HIVEP1: variants seen among roughly 807,000 people sequenced by gnomAD.
HIVEP1 encodes HIVEP zinc finger 1, also known as zinc finger protein 40.
Under a neutral mutation model 180.0 loss-of-function variants are expected in HIVEP1, and 36 were observed. That is an observed-to-expected ratio of 0.20 (90% CI 0.15 to 0.26). HIVEP1 has a LOEUF of 0.26. Among genes scored for constraint, HIVEP1 ranks in the 10% least tolerant of loss-of-function variants. The pLI, the probability that HIVEP1 is intolerant of heterozygous loss-of-function variation, is 1.00. For missense variants in HIVEP1, 3,143 were observed against 3,268.7 expected (o/e 0.96, Z 0.94); for synonymous variants, 1,239 against 1,239.0 (o/e 1.00, Z 0.00).
chr6:12,078,629 A>G (rs1160927164), intron 2 of HIVEP1, among the ~76,000 whole-genome samples: 5 of 101,918 alleles, frequency 4.9e-5, no homozygotes, highest in Non-Finnish European at 9.5e-5. Flanking sequence ...ATACATACAT[A>G]TATATACACA....
intron 7 of HIVEP1, among the ~76,000 whole-genome samples, chr6:12,148,642 A>G (rs186592152): frequency 3.9e-5 from 6 of 152,286 alleles, no homozygotes; most frequent in Admixed American, 3.9e-4. Context: ...ACTGCTAGAA[A>G]CCACACCGGG....
downstream of HIVEP1, among the ~76,000 whole-genome samples, chr6:12,167,571 G>A (rs1366402679): frequency 1.8e-3 from 2 of 1,112 alleles, no homozygotes; most frequent in Admixed American, 0.01. Flanking sequence ...TTACATGCAT[G>A]TTATATATAC....
Position 12,063,345 on chromosome 6 carries a change from C to T in HIVEP1, c.41-25839C>T, listed in dbSNP as rs935199153. ...CTAGATGCCAATTGCAGTCTTCCTC[C>T]CTCAGTTGTAAACCAAGATGTCTCC... On this transcript the variant is annotated intron_variant, in intron 2 of 8. Coordinates refer to ENST00000379388, the MANE Select transcript of HIVEP1 (RefSeq NM_002114.4). The surrounding 1 kb of genome is among the most constrained non-coding windows in gnomAD (Gnocchi z 4.2). Among the ~76,000 whole-genome samples the T allele has an allele frequency of 5.3e-5, 8 of 152,118 alleles. No homozygotes were observed. The highest frequency in any genetic ancestry group is 3.3e-4 in the Admixed American group (5 of 15,276).
rs765968431 is a variant in HIVEP1, at chr6:12,123,877, G to T, written c.4082G>T (p.Arg1361Leu). ...LNTLNVPGCHREMRRTASEQI... is the reference protein window; with the variant it reads ...LNTLNVPGCHLEMRRTASEQI... Reference sequence around the variant, plus strand: ...ACTCTGAATGTTCCTGGATGTCACCGGGAAATGAGGCGTACTGCATCAGAA... The same window carrying T: ...ACTCTGAATGTTCCTGGATGTCACCTGGAAATGAGGCGTACTGCATCAGAA... The change falls in exon 4 of 9, where the codon CGG (arginine) becomes CTG (leucine). Residue 1361 changes from arginine (R) to leucine (L), a missense_variant. This residue lies in a region of HIVEP1 where 1,357 missense variants were observed against 1,260.5 expected (regional missense o/e 1.08). Transcript: ENST00000379388. 6.2e-7 allele frequency: 1 copy of T among 1,613,982 alleles called. No homozygotes were observed. Among genetic ancestry groups the T allele is most frequent in the Admixed American group, 1.7e-5 (1 of 60,024 alleles).
chr6:12,130,490 A>G (rs946042956), intron 5 of HIVEP1, among the ~76,000 whole-genome samples: 28 of 152,270 alleles, frequency 1.8e-4, no homozygotes, highest in African/African-American at 4.3e-4. Flanking sequence ...TTGAGCTACA[A>G]TCACACCACT....
At chr6:12,116,478 A>G (rs866509655) in intron 3 of HIVEP1, among the ~76,000 whole-genome samples, 3 of 151,932 alleles carry the variant, frequency 2.0e-5, no homozygotes, top group Middle Eastern at 3.4e-3. Flanking sequence ...TTCTTCTCAC[A>G]TATGCCTGCC....
rs372005798 is a variant in HIVEP1 at position 12,163,971 on chromosome 6, C to G, written c.7667C>G (p.Pro2556Arg). The change falls in exon 9 of 9, where the codon CCC becomes CGC. Residue 2556 changes from proline to arginine, a missense_variant. Pro to Arg is a moderately radical substitution (Grantham distance 103). Around this residue, in one of 12 missense-constraint regions of HIVEP1, gnomAD observed 595 missense variants for 602.2 expected, o/e 0.99. Transcript: ENST00000379388. ...ILNIALPTLI[P>R]SVSQVAVDAQ... The stretch of plus-strand genomic sequence containing the variant: ...AACATAGCATTGCCCACCTTAATCC[C>G]CTCAGTCAGTCAAGTAGCCGTTGAT... 21 of 1,614,096 alleles carry G rather than the reference C, an allele frequency of 1.3e-5. No homozygotes were observed. The highest frequency in any genetic ancestry group is 8.3e-5 in the Admixed American group (5 of 60,010).
At chr6:12,163,038 A>G (rs1356583983) in intron 8 of HIVEP1, among the ~76,000 whole-genome samples, 1 of 152,240 alleles carries the variant, frequency 6.6e-6, no homozygotes, top group African/African-American at 2.4e-5. Context: ...TCAGACATGC[A>G]AAAGACTATA....
At chr6:12,056,137 A>G (rs1172392598) in intron 2 of HIVEP1, among the ~76,000 whole-genome samples, 1 of 152,110 alleles carries the variant, frequency 6.6e-6, no homozygotes. Flanking sequence ...AAGATTAATG[A>G]AGAAGCGGAA....
chr6:12,096,124 G>A lies in HIVEP1; in HGVS notation c.94+6887G>A, dbSNP rs1014877748. ...CATTACCAGTAATTTCTTTTCAGCA[G>A]TAGTGGTATCACTCTTACATTATAT... On this transcript the variant is annotated intron_variant, in intron 3 of 8. Coordinates refer to ENST00000379388, the MANE Select transcript of HIVEP1 (RefSeq NM_002114.4). Among the ~76,000 whole-genome samples the A allele has an allele frequency of 3.3e-5, 5 of 151,958 alleles. No homozygotes were observed. The South Asian group carries it at 8.3e-4, about 25-fold the overall frequency.
intron 6 of HIVEP1, among the ~76,000 whole-genome samples, chr6:12,132,827 T>C (rs1758498241): frequency 6.6e-6 from 1 of 152,196 alleles, no homozygotes; most frequent in Non-Finnish European, 1.5e-5. Flanking sequence ...GGATTTCCCT[T>C]TTCTTGGCAT....
intron 3 of HIVEP1, among the ~76,000 whole-genome samples, chr6:12,090,064 CCATAGAAAA>C (rs1395202314): frequency 2.6e-5 from 4 of 151,720 alleles, no homozygotes; most frequent in African/African-American, 9.7e-5. Context: ...TTGGTTTTCA[CCATAGAAAA>C]CATAGATTAT....
chr6:12,085,587 A>G (rs1581654109), intron 2 of HIVEP1, among the ~76,000 whole-genome samples: 1 of 152,240 alleles, frequency 6.6e-6, no homozygotes. Context: ...TAGACCTGAC[A>G]CAGAGCAGGC....
At chr6:12,106,558 G>A (rs1208522751) in intron 3 of HIVEP1, among the ~76,000 whole-genome samples, 1 of 152,056 alleles carries the variant, frequency 6.6e-6, no homozygotes, top group African/African-American at 2.4e-5. Flanking sequence ...TAAGGAAAAA[G>A]ACTGATATTT....
At chr6:12,018,183 C>T (rs923262348) in intron 2 of HIVEP1, among the ~76,000 whole-genome samples, 23 of 152,344 alleles carry the variant, frequency 1.5e-4, no homozygotes, top group African/African-American at 5.3e-4. Flanking sequence ...CCTCACTGCC[C>T]GGGGCCTGCC....
the HIVEP1 span, among the ~76,000 whole-genome samples, chr6:12,191,069 AC>A: frequency 6.6e-6 from 1 of 152,224 alleles, no homozygotes; most frequent in Admixed American, 6.5e-5. Context: ...AGAAAAAAAA[AC>A]AGCACAGAAA....
intron 2 of HIVEP1, among the ~76,000 whole-genome samples, chr6:12,028,522 G>T (rs950320122): frequency 6.6e-6 from 1 of 152,106 alleles, no homozygotes; most frequent in Non-Finnish European, 1.5e-5. Context: ...TGTTTTGATG[G>T]AATTAATGCC....
At chr6:12,045,083 A>T (rs1234204515) in intron 2 of HIVEP1, among the ~76,000 whole-genome samples, 3 of 152,252 alleles carry the variant, frequency 2.0e-5, no homozygotes, top group African/African-American at 7.2e-5. Flanking sequence ...TGAGATCACC[A>T]GGGTGATGAA....
Position 12,129,787 on chromosome 6 carries a change from T to C in HIVEP1, c.6104T>C (p.Val2035Ala), listed in dbSNP as rs1450264969. ...KRALGNQKST[V>A]VEFSNKDASE... Reference sequence around the variant, plus strand: ...GCATTAGGTAATCAAAAGTCCACAGTAGTTGAATTCAGCAATAAAGATGCC... The same window carrying C: ...GCATTAGGTAATCAAAAGTCCACAGCAGTTGAATTCAGCAATAAAGATGCC... The change falls in exon 5 of 9, where the codon GTA (valine) becomes GCA (alanine). Residue 2035 changes from valine to alanine, a missense_variant. Physicochemically the swap from Val to Ala is moderately conservative, Grantham distance 64 (BLOSUM62 0). Transcript: ENST00000379388. 4 of 1,604,300 alleles carry C rather than the reference T, an allele frequency of 2.5e-6. No homozygotes were observed. In the South Asian group the frequency reaches 3.3e-5, roughly 13 times the overall value.
Sources: gnomAD v4.1 joint callset for allele counts (sites outside exome capture counted in the v4.1 genomes callset) on GRCh38, gnomAD v4.1.1 for gene constraint, gnomAD v4.1.1 regional missense constraint, Gnocchi (gnomAD v3.1) non-coding constraint, MANE v1.5 for transcripts, NCBI Gene and HGNC (gene_info 2026-07-23, HGNC 2026-07-21) for gene names.